TMEM181: variants seen among roughly 807,000 people sequenced by gnomAD.
TMEM181 encodes transmembrane protein 181.
Under a neutral mutation model 71.9 loss-of-function variants are expected in TMEM181, and 39 were observed. The observed-to-expected ratio is 0.54, with a 90% CI of 0.42 to 0.71. TMEM181 has a LOEUF of 0.71. Ranked by LOEUF, TMEM181 falls within the 30% of genes least tolerant of loss-of-function variation. TMEM181 has a pLI of 0.00. For missense variants in TMEM181, 595 were observed against 583.0 expected, an observed-to-expected ratio of 1.02 and a Z score of -0.21; for synonymous variants, 245 against 228.8, an observed-to-expected ratio of 1.07 and a Z score of -0.64.
intron 10 of TMEM181, among the ~76,000 whole-genome samples, chr6:158,612,347 T>A (rs1380724778): frequency 6.6e-6 from 1 of 152,230 alleles, no homozygotes; most frequent in Non-Finnish European, 1.5e-5. Context: ...ACGTGTTCTT[T>A]CTGGTTACTT....
chr6:158,553,172 A>AGAG (rs1781769622), intron 1 of TMEM181, among the ~76,000 whole-genome samples: 1 of 144,304 alleles, frequency 6.9e-6, no homozygotes, highest in Non-Finnish European at 1.5e-5. Flanking sequence ...TGGGCGACAG[A>AGAG]GAGGGGTCCC....
intron 1 of TMEM181, among the ~76,000 whole-genome samples, chr6:158,546,150 A>G (rs1477098989): frequency 1.3e-5 from 2 of 152,200 alleles, no homozygotes; most frequent in Admixed American, 6.5e-5. Context: ...GGAAAGGTCA[A>G]GCATGCTCCT....
upstream of TMEM181, among the ~76,000 whole-genome samples, chr6:158,557,838 G>A (rs1214575636): frequency 3.3e-5 from 5 of 152,306 alleles, no homozygotes; most frequent in East Asian, 9.6e-4. Flanking sequence ...TAATTATTTA[G>A]GTTATTGTTT....
chr6:158,559,995 C>T (rs892200444), upstream of TMEM181: 27 of 966,668 alleles, frequency 2.8e-5, no homozygotes, highest in East Asian at 2.1e-3. Flanking sequence ...GGCCACCCCC[C>T]TCGCCGCGCG....
intron 1 of TMEM181, among the ~76,000 whole-genome samples, chr6:158,566,805 G>A (rs540272313): frequency 6.6e-6 from 1 of 152,114 alleles, no homozygotes; most frequent in Non-Finnish European, 1.5e-5. Flanking sequence ...AAGTTTTCCA[G>A]CTCCTGTCTC....
intron 2 of TMEM181, among the ~76,000 whole-genome samples, chr6:158,574,169 A>G (rs1331599465): frequency 6.6e-6 from 1 of 152,146 alleles, no homozygotes; most frequent in African/African-American, 2.4e-5. Flanking sequence ...CATAAGGGTG[A>G]TTTCTGGTAG....
At position 158,604,783 on chromosome 6, in the gene TMEM181, T is replaced by G. The variant is rs1784854337; in HGVS notation, c.493-484T>G. Among the ~76,000 whole-genome samples the G allele has an allele frequency of 2.6e-5, 4 of 152,220 alleles. No individual in the cohort carries two copies. In the South Asian group the frequency reaches 6.2e-4, roughly 24 times the overall value. On this transcript the variant is annotated intron_variant, in intron 6 of 16. Transcript: ENST00000684151. ...AGATTGACAAGCTTGATTTTTGATGTGAGATATAAGATCCGAATGCTTTTA... is the reference window on the plus strand; with the variant it reads ...AGATTGACAAGCTTGATTTTTGATGGGAGATATAAGATCCGAATGCTTTTA...
In TMEM181 at chr6:158,628,613, G is replaced by T. The variant is rs1786477503; in HGVS notation, c.1192+123G>T. 3 of 792,688 alleles carry T rather than the reference G, an allele frequency of 3.8e-6. No homozygotes were observed. In the African/African-American group the frequency reaches 5.2e-5, roughly 14 times the overall value. 49.1% of individuals were successfully genotyped at this position (792,688 alleles called of 1,614,324 possible). A position where few individuals can be genotyped will look rare whatever the true frequency, so the allele number is the denominator to read the frequency against. On this transcript the variant is annotated intron_variant, in intron 14 of 16. Coordinates refer to ENST00000684151, the MANE Select transcript of TMEM181 (RefSeq NM_001376852.1). ...GCTCCTCGCGCCCTGTTCTCCGGAG[G>T]CCTCGTCTCTGCTGAGAGGTGTCTC...
At chr6:158,631,297 A>C in intron 15 of TMEM181, 26 bp from the exon 16 acceptor site, 1 of 1,613,634 alleles carries the variant, frequency 6.2e-7, no homozygotes, top group East Asian at 2.2e-5. Flanking sequence ...ATTGCTTGAG[A>C]TGCAAATGCT....
chr6:158,583,188 A>G (rs527419009), intron 3 of TMEM181, among the ~76,000 whole-genome samples: 26 of 151,982 alleles, frequency 1.7e-4, no homozygotes, highest in Admixed American at 2.0e-4. Context: ...AGCCGAGATC[A>G]CGCCCCTGCT....
intron 1 of TMEM181, among the ~76,000 whole-genome samples, chr6:158,540,342 C>T (rs764899894): frequency 5.9e-5 from 9 of 152,174 alleles, no homozygotes; most frequent in Non-Finnish European, 1.3e-4. Flanking sequence ...TACACATTTC[C>T]TCAGGCCCAG....
intron 3 of TMEM181, among the ~76,000 whole-genome samples, chr6:158,581,738 A>C (rs938857423): frequency 8.5e-6 from 1 of 118,184 alleles, no homozygotes; most frequent in Non-Finnish European, 1.6e-5. Flanking sequence ...TGGGTGACAG[A>C]GTGAGACTCT....
chr6:158,554,275 G>A (rs569836961), intron 1 of TMEM181, among the ~76,000 whole-genome samples: 11 of 152,096 alleles, frequency 7.2e-5, no homozygotes, highest in South Asian at 6.2e-4. Flanking sequence ...TAGTAGAGAC[G>A]AGGTTTCACC....
At chr6:158,596,897 C>T (rs1784415722) in intron 6 of TMEM181, among the ~76,000 whole-genome samples, 1 of 152,160 alleles carries the variant, frequency 6.6e-6, no homozygotes, top group African/African-American at 2.4e-5. Flanking sequence ...CCCCCGGGTC[C>T]CTCCCACAAC....
intron 1 of TMEM181, among the ~76,000 whole-genome samples, chr6:158,549,850 G>A (rs2128280722): frequency 6.6e-6 from 1 of 151,956 alleles, no homozygotes. Context: ...ATGCAACGTT[G>A]TGGTTTTTGT....
At chr6:158,626,613 T>G (rs1786289290) in intron 13 of TMEM181, 2 of 456,602 alleles carry the variant, frequency 4.4e-6, no homozygotes, top group Non-Finnish European at 8.8e-6. Flanking sequence ...TGAACTCAGC[T>G]CAGACTTGGA....
chr6:158,553,859 C>T (rs1265631375), intron 1 of TMEM181, among the ~76,000 whole-genome samples: 2 of 152,150 alleles, frequency 1.3e-5, no homozygotes, highest in Non-Finnish European at 2.9e-5. Flanking sequence ...GGTGAAACAA[C>T]GTCCAACAGG....
At chr6:158,609,269 A>C (rs1785149615) in intron 10 of TMEM181, among the ~76,000 whole-genome samples, 1 of 151,784 alleles carries the variant, frequency 6.6e-6, no homozygotes, top group South Asian at 2.1e-4. Flanking sequence ...GATAGTACTG[A>C]TCCTTATATA....
At chr6:158,585,552 A>C (rs1783721035) in intron 5 of TMEM181, 127 bp downstream of exon 5, 2 of 1,209,942 alleles carry the variant, frequency 1.7e-6, no homozygotes, top group South Asian at 5.0e-5. Context: ...AGTGAAAAAA[A>C]TGGAGTCATA....
Sources: gnomAD v4.1 joint callset for allele counts (sites outside exome capture counted in the v4.1 genomes callset) on GRCh38, gnomAD v4.1.1 for gene constraint, MANE v1.5 for transcripts, NCBI Gene and HGNC (gene_info 2026-07-23, HGNC 2026-07-21) for gene names.